Variants in KCNH5 observed in about 807,000 individuals in gnomAD.
The protein encoded by KCNH5 is potassium voltage-gated channel subfamily H member 5, also known as voltage-gated delayed rectifier potassium channel KCNH5.
Under a neutral mutation model 96.1 loss-of-function variants are expected in KCNH5, and 46 were observed. The observed-to-expected ratio is 0.48, with a 90% CI of 0.38 to 0.61. KCNH5 has a LOEUF of 0.61. Among genes scored for constraint, KCNH5 ranks in the 20% least tolerant of loss-of-function variants. The pLI is 0.00. For missense variants in KCNH5, 907 were observed against 1,225.8 expected, an observed-to-expected ratio of 0.74 and a Z score of 3.88; for synonymous variants, 439 against 449.8, an observed-to-expected ratio of 0.98 and a Z score of 0.30.
chr14:62,825,361 G>C lies in KCNH5; in HGVS notation c.1570-22780C>G, dbSNP rs555798551. 1.8e-4 allele frequency among the ~76,000 whole-genome samples: 28 copies of C among 152,010 alleles called. 1 individual carries two copies. The highest frequency in any genetic ancestry group is 6.5e-4 in the African/African-American group (27 of 41,496). Reference sequence around the variant, plus strand: ...TGAAATGGTATATCATTGTGGTTTTGATTTGCATTTCTCTGATGATAAGGG... The same window carrying C: ...TGAAATGGTATATCATTGTGGTTTTCATTTGCATTTCTCTGATGATAAGGG... On this transcript the variant is annotated intron_variant, in intron 8 of 10. Coordinates refer to ENST00000322893, the MANE Select transcript of KCNH5 (RefSeq NM_139318.5).
intron 7 of KCNH5, among the ~76,000 whole-genome samples, chr14:62,945,043 G>A (rs1889860218): frequency 6.6e-6 from 1 of 152,102 alleles, no homozygotes. Context: ...GAGGAGAAAT[G>A]GAAATTTAGA....
rs1322304530 is a variant in KCNH5 at position 63,045,206 on chromosome 14, G to A, written c.-20C>T. ...CGGCATCCTGGGTCTGGAGAGCAGC[G>A]GCCAGGATCCGCGGCGGGGGAGGGG... On this transcript the variant is annotated 5_prime_UTR_variant, in exon 1 of 11. Transcript: ENST00000322893. 6 of 1,606,728 alleles carry A rather than the reference G, an allele frequency of 3.7e-6. No homozygotes were observed. The highest frequency in any genetic ancestry group is 5.1e-6 in the Non-Finnish European group (6 of 1,174,986).
chr14:62,792,777 C>A (rs1886460433), intron 9 of KCNH5, among the ~76,000 whole-genome samples: 1 of 151,548 alleles, frequency 6.6e-6, no homozygotes, highest in African/African-American at 2.4e-5. Flanking sequence ...ACCTATGATG[C>A]AATAATCTGA....
At chr14:62,932,261 T>C (rs1889593927) in intron 7 of KCNH5, among the ~76,000 whole-genome samples, 1 of 152,010 alleles carries the variant, frequency 6.6e-6, no homozygotes. Flanking sequence ...TAAACTTTCT[T>C]ATACCCTCAG....
At chr14:62,859,135 G>A (rs1365414590) in intron 7 of KCNH5, among the ~76,000 whole-genome samples, 1 of 152,198 alleles carries the variant, frequency 6.6e-6, no homozygotes, top group South Asian at 2.1e-4. Context: ...GTCTATTCCA[G>A]TGAGGACAAA....
intron 1 of KCNH5, among the ~76,000 whole-genome samples, chr14:63,033,889 A>G (rs1891675113): frequency 6.6e-6 from 1 of 151,980 alleles, no homozygotes; most frequent in South Asian, 2.1e-4. Flanking sequence ...GAAACTTGTG[A>G]ATTTAAATCA....
At chr14:62,970,223 A>G (rs2139556232) in intron 6 of KCNH5, among the ~76,000 whole-genome samples, 1 of 152,176 alleles carries the variant, frequency 6.6e-6, no homozygotes, top group East Asian at 1.9e-4. Flanking sequence ...CTGCCCACAG[A>G]TTTGATAAAT....
chr14:63,044,374 C>T (rs769214601), intron 1 of KCNH5, among the ~76,000 whole-genome samples: 3 of 152,130 alleles, frequency 2.0e-5, no homozygotes, highest in African/African-American at 2.4e-5. Flanking sequence ...AAAACTTTAA[C>T]GCCAGTAGCA....
chr14:62,883,330 C>T (rs1888529851), intron 7 of KCNH5, among the ~76,000 whole-genome samples: 1 of 151,996 alleles, frequency 6.6e-6, no homozygotes, highest in Admixed American at 6.6e-5. Context: ...TGAATTAGTC[C>T]CTTACCCTTA....
At chr14:62,994,290 A>G (rs895601946) in intron 4 of KCNH5, among the ~76,000 whole-genome samples, 1 of 152,006 alleles carries the variant, frequency 6.6e-6, no homozygotes, top group Non-Finnish European at 1.5e-5. Flanking sequence ...TTTTGTCACA[A>G]TTATTGGCAA....
intron 8 of KCNH5, among the ~76,000 whole-genome samples, chr14:62,815,691 C>A (rs1344145363): frequency 6.6e-6 from 1 of 151,738 alleles, no homozygotes; most frequent in East Asian, 1.9e-4. Flanking sequence ...ATTAAACAAA[C>A]AGGTAGTATT....
At chr14:62,975,573 C>T (rs1403113187) in intron 6 of KCNH5, among the ~76,000 whole-genome samples, 1 of 151,924 alleles carries the variant, frequency 6.6e-6, no homozygotes, top group Admixed American at 6.6e-5. Flanking sequence ...GAACAGAAGT[C>T]CTTGAATCAA....
chr14:62,910,500 T>A (rs1889128176), intron 7 of KCNH5, among the ~76,000 whole-genome samples: 1 of 152,120 alleles, frequency 6.6e-6, no homozygotes, highest in African/African-American at 2.4e-5. Flanking sequence ...TAGCACTAAG[T>A]TATGTAACAG....
chr14:62,891,321 C>T (rs934612176), intron 7 of KCNH5, among the ~76,000 whole-genome samples: 4 of 152,080 alleles, frequency 2.6e-5, no homozygotes, highest in South Asian at 2.1e-4. Context: ...AACCAAATAC[C>T]GCATGTTCTC....
chr14:62,832,079 T>C (rs1044722239), intron 8 of KCNH5, among the ~76,000 whole-genome samples: 7 of 152,228 alleles, frequency 4.6e-5, no homozygotes, highest in Admixed American at 2.6e-4. Context: ...TTGTGTCATA[T>C]TAAAGCAATT....
At chr14:62,757,736 G>A (rs1031453161) in intron 10 of KCNH5, among the ~76,000 whole-genome samples, 1 of 152,148 alleles carries the variant, frequency 6.6e-6, no homozygotes, top group African/African-American at 2.4e-5. Context: ...TTATTTGTGG[G>A]AGCTGAAAGT....
chr14:62,793,724 C>T (rs534201227), intron 9 of KCNH5, among the ~76,000 whole-genome samples: 5 of 151,228 alleles, frequency 3.3e-5, no homozygotes, highest in Non-Finnish European at 7.4e-5. Flanking sequence ...GAAACATTTG[C>T]TTTATGCTGT....
At chr14:62,962,458 G>A (rs1243098996) in intron 6 of KCNH5, among the ~76,000 whole-genome samples, 4 of 152,140 alleles carry the variant, frequency 2.6e-5, no homozygotes, top group African/African-American at 9.7e-5. Flanking sequence ...TTGAAGTCAT[G>A]AATGATTTTA....
At chr14:62,849,928 A>C (rs1887771447) in intron 7 of KCNH5, 76 bp from the exon 8 acceptor site, 1 of 1,178,466 alleles carries the variant, frequency 8.5e-7, no homozygotes, top group East Asian at 2.5e-5. Flanking sequence ...AAATCAATGA[A>C]TAATTTGACA....
Sources: gnomAD v4.1 joint callset for allele counts (sites outside exome capture counted in the v4.1 genomes callset) on GRCh38, gnomAD v4.1.1 for gene constraint, MANE v1.5 for transcripts, NCBI Gene and HGNC (gene_info 2026-07-23, HGNC 2026-07-21) for gene names.